Variants in RPTOR observed in about 807,000 individuals in gnomAD.
The protein encoded by RPTOR is regulatory-associated protein of mTOR.
RPTOR carries 21 observed loss-of-function variants against 169.9 expected under a neutral mutation model. The observed-to-expected ratio is 0.12, with a 90% CI of 0.09 to 0.18. The LOEUF is 0.18. Among genes scored for constraint, RPTOR ranks in the 10% least tolerant of loss-of-function variants. The probability of loss-of-function intolerance (pLI) is 1.00; values close to 1 mark genes in which losing one functional copy is unlikely to be tolerated. For missense variants in RPTOR, 1,133 were observed against 1,855.9 expected, an observed-to-expected ratio of 0.61 and a Z score of 7.16; for synonymous variants, 732 against 753.2, an observed-to-expected ratio of 0.97 and a Z score of 0.46.
At chr17:80,914,192 G>T (rs1466789535) in intron 21 of RPTOR, among the ~76,000 whole-genome samples, 1 of 152,278 alleles carries the variant, frequency 6.6e-6, no homozygotes, top group East Asian at 1.9e-4. Context: ...TGTGGCCAGG[G>T]CCGTGTGCTC....
At chr17:80,902,730 C>T (rs899125764) in intron 20 of RPTOR, among the ~76,000 whole-genome samples, 2 of 152,242 alleles carry the variant, frequency 1.3e-5, no homozygotes, top group Admixed American at 6.5e-5. Flanking sequence ...CTCCTCACCC[C>T]CAGACACCCA....
chr17:80,589,897 T>A (rs965378359), intron 1 of RPTOR, among the ~76,000 whole-genome samples: 2 of 152,208 alleles, frequency 1.3e-5, no homozygotes, highest in African/African-American at 2.4e-5. Flanking sequence ...ACTTTCTCTC[T>A]TTTTTCTATC....
At position 80,754,288 on chromosome 17, in the gene RPTOR, A is replaced by G; in HGVS notation, c.830+103A>G. Reference sequence around the variant, plus strand: ...GGCATTCACCTGGTCCCAGGAGCCCACGTGACAGACATGAGTGTCCCCGCC... The same window carrying G: ...GGCATTCACCTGGTCCCAGGAGCCCGCGTGACAGACATGAGTGTCCCCGCC... On this transcript the variant is annotated intron_variant, in intron 6 of 33. Coordinates refer to ENST00000306801, the MANE Select transcript of RPTOR (RefSeq NM_020761.3). The surrounding 1 kb of genome is among the most constrained non-coding windows in gnomAD (Gnocchi z 4.2). The G allele has an allele frequency of 2.6e-6, 3 of 1,167,646 alleles. No individual in the cohort carries two copies. In the South Asian group the frequency reaches 4.6e-5, roughly 18 times the overall value. The allele number at this position is 1,167,646 out of a possible 1,614,324, so 72.3% of individuals were successfully genotyped here. A position where few individuals can be genotyped will look rare whatever the true frequency, so the allele number is the denominator to read the frequency against.
At chr17:80,855,740 T>C (rs1292767848) in intron 12 of RPTOR, among the ~76,000 whole-genome samples, 193 bp downstream of exon 12, 1 of 152,208 alleles carries the variant, frequency 6.6e-6, no homozygotes, top group Admixed American at 6.5e-5. Flanking sequence ...CCGTGCAGCC[T>C]GCAGTGCTGC....
intron 1 of RPTOR, among the ~76,000 whole-genome samples, chr17:80,570,592 C>T (rs575012894): frequency 3.5e-4 from 53 of 152,254 alleles, no homozygotes; most frequent in Non-Finnish European, 5.9e-4. Context: ...TCCGGAACAT[C>T]TGGGACTACG....
intron 4 of RPTOR, among the ~76,000 whole-genome samples, chr17:80,723,842 C>G (rs2066307444): frequency 1.3e-5 from 2 of 151,438 alleles, no homozygotes; most frequent in South Asian, 4.1e-4. Context: ...ATAGACTAAT[C>G]TTTCCAGAAG....
intron 31 of RPTOR, among the ~76,000 whole-genome samples, chr17:80,962,124 G>A (rs915864272): frequency 5.3e-5 from 8 of 152,216 alleles, no homozygotes; most frequent in Non-Finnish European, 5.9e-5. Flanking sequence ...CCGGTTGCAT[G>A]AAATCTAATC....
chr17:80,599,507 G>C (rs1331544741), intron 1 of RPTOR, among the ~76,000 whole-genome samples: 2 of 152,234 alleles, frequency 1.3e-5, no homozygotes, highest in African/African-American at 4.8e-5. Flanking sequence ...TGCAGCTCTG[G>C]CTTTGGGATG....
rs139077863 is a variant in RPTOR, at chr17:80,604,861, C to T, written c.163-20830C>T. The stretch of plus-strand genomic sequence containing the variant: ...ACCTCCCACCAGGCCCCTCCCACGA[C>T]ACGTGGAAATTATGGGAGCTACAAT... On this transcript the variant is annotated intron_variant, in intron 1 of 33. Coordinates refer to ENST00000306801, the MANE Select transcript of RPTOR (RefSeq NM_020761.3). 2.9e-3 allele frequency among the ~76,000 whole-genome samples: 440 copies of T among 152,182 alleles called. 1 individual carries two copies. The highest frequency in any genetic ancestry group is 0.01 in the African/African-American group (429 of 41,530).
chr17:80,573,506 A>G (rs541862301), intron 1 of RPTOR, among the ~76,000 whole-genome samples: 3 of 152,160 alleles, frequency 2.0e-5, no homozygotes, highest in South Asian at 2.1e-4. Context: ...TAAGTACTTG[A>G]TATTATTTTG....
rs370864340 is a variant in RPTOR at position 80,900,745 on chromosome 17, C to T, written c.2401+6880C>T. Among the ~76,000 whole-genome samples, 91 of 152,338 alleles carry T rather than the reference C, an allele frequency of 6.0e-4. 1 individual carries two copies. Among genetic ancestry groups the T allele is most frequent in the Middle Eastern group, 3.4e-3 (1 of 294 alleles). On this transcript the variant is annotated intron_variant, in intron 20 of 33. Coordinates refer to ENST00000306801, the MANE Select transcript of RPTOR (RefSeq NM_020761.3). ...CTCCATGGGGTTCTCGGTTCACTCT[C>T]GTCCCTCCACTCACACGTATCTGGC...
intron 13 of RPTOR, among the ~76,000 whole-genome samples, chr17:80,870,711 C>G (rs1408664136): frequency 1.3e-5 from 2 of 152,178 alleles, no homozygotes; most frequent in African/African-American, 4.8e-5. Flanking sequence ...TACTTGTGTC[C>G]CGAACTCTTG....
rs2068247631 is a variant in RPTOR at position 80,886,452 on chromosome 17, T to A, written c.1983+1304T>A. Among the ~76,000 whole-genome samples the A allele has an allele frequency of 2.0e-5, 3 of 152,364 alleles. No individual in the cohort carries two copies. The South Asian group carries it at 6.2e-4, about 32-fold the overall frequency. ...TCTGAACCTGGCTTCTTTTGGCCCC[T>A]GCTGAATTCTTTTTCCCACATCAAC... is the stretch of plus-strand genomic sequence containing the variant. On this transcript the variant is annotated intron_variant, in intron 17 of 33. Transcript: ENST00000306801.
intron 5 of RPTOR, chr17:80,743,305 C>T (rs923432261): frequency 8.0e-5 from 79 of 985,480 alleles, no homozygotes; most frequent in Non-Finnish European, 8.7e-5. Flanking sequence ...ACCCATCTGG[C>T]AGGGGGCAGG....
At chr17:80,705,830 C>T (rs2066138190) in intron 3 of RPTOR, among the ~76,000 whole-genome samples, 1 of 152,070 alleles carries the variant, frequency 6.6e-6, no homozygotes, top group African/African-American at 2.4e-5. Context: ...CCCCCGTGTC[C>T]GGCAGGGGAA....
At chr17:80,934,121 A>C (rs2068928650) in intron 24 of RPTOR, among the ~76,000 whole-genome samples, 1 of 151,610 alleles carries the variant, frequency 6.6e-6, no homozygotes, top group African/African-American at 2.4e-5. Flanking sequence ...TAACCTGAAT[A>C]GTTCCTGTCT....
At chr17:80,906,986 C>G (rs916128188) in intron 20 of RPTOR, among the ~76,000 whole-genome samples, 1 of 152,212 alleles carries the variant, frequency 6.6e-6, no homozygotes, top group Non-Finnish European at 1.5e-5. Context: ...GTCTTGGGCT[C>G]GCTTAGCGGA....
Position 80,609,114 on chromosome 17 carries a change from G to A in RPTOR, c.163-16577G>A, listed in dbSNP as rs1048833952. On this transcript the variant is annotated intron_variant, in intron 1 of 33. Transcript: ENST00000306801. This position sits in a 1 kb window ranked among gnomAD's most constrained non-coding sequence, Gnocchi z 4.8. ...TCCAGGGAAGCATGGAGAGCACAGC[G>A]CGACCCGTGTGGAGAGGGCATCACT... Among the ~76,000 whole-genome samples, 6 of 152,160 alleles carry A rather than the reference G, an allele frequency of 3.9e-5. No individual in the cohort carries two copies. The highest frequency in any genetic ancestry group is 3.9e-4 in the Admixed American group (6 of 15,278).
intron 7 of RPTOR, among the ~76,000 whole-genome samples, chr17:80,806,612 C>T (rs2067220748): frequency 6.6e-6 from 1 of 152,188 alleles, no homozygotes; most frequent in Non-Finnish European, 1.5e-5. Context: ...GACCTAGACA[C>T]ACTGACCACC....
Sources: allele counts gnomAD v4.1 joint callset (sites outside exome capture counted in the v4.1 genomes callset), GRCh38; gene constraint gnomAD v4.1.1; non-coding constraint Gnocchi (gnomAD v3.1); transcripts MANE v1.5; gene names NCBI Gene and HGNC (gene_info 2026-07-23, HGNC 2026-07-21).